The following LMNB1 variants were observed in gnomAD, a reference collection of about 807,000 sequenced individuals.
The protein encoded by LMNB1 is lamin B1.
Under a neutral mutation model 67.1 loss-of-function variants are expected in LMNB1, and 23 were observed. The observed-to-expected ratio is 0.34, with a 90% CI of 0.25 to 0.49. The LOEUF (loss-of-function observed/expected upper bound fraction) is 0.49, where lower values mean the gene tolerates loss of function less well. Ranked by LOEUF, LMNB1 falls within the 20% of genes least tolerant of loss-of-function variation. The pLI, the probability that LMNB1 is intolerant of heterozygous loss-of-function variation, is 0.99. For missense variants in LMNB1, 634 were observed against 746.5 expected (o/e 0.85, Z 1.76); for synonymous variants, 281 against 282.9 (o/e 0.99, Z 0.07).
chr5:126,778,402 G>C (rs1431785269), intron 1 of LMNB1, among the ~76,000 whole-genome samples: 17 of 152,224 alleles, frequency 1.1e-4, no homozygotes, highest in African/African-American at 4.1e-4. Flanking sequence ...CCTTCCCGCA[G>C]CATCCGCGTC....
At chr5:126,832,547 G>A in intron 9 of LMNB1, 147 bp from the exon 10 acceptor site, 1 of 513,624 alleles carries the variant, frequency 1.9e-6, no homozygotes, top group Non-Finnish European at 3.6e-6. Flanking sequence ...TGATCTGCCT[G>A]CCTTGGCCTC....
At chr5:126,815,130 G>A (rs1028801721) in intron 5 of LMNB1, 1 of 152,050 alleles carries the variant, frequency 6.6e-6, no homozygotes, top group Admixed American at 6.6e-5. Flanking sequence ...AAATAAAAAT[G>A]TTATCTTTTT....
At chr5:126,830,251 G>A (rs761757475) in intron 9 of LMNB1, among the ~76,000 whole-genome samples, 2 of 152,216 alleles carry the variant, frequency 1.3e-5, no homozygotes, top group Non-Finnish European at 2.9e-5. Flanking sequence ...CCACTGCACA[G>A]ATCAGTGCAC....
chr5:126,810,324 G>T lies in LMNB1; in HGVS notation c.787G>T (p.Glu263Ter). The change falls in exon 4 of 11, where the codon GAG (glutamate) becomes TAG (stop). Residue 263 changes from glutamate to a stop codon, truncating the protein, a stop_gained. Transcript: ENST00000261366. LOFTEE classifies it high-confidence loss of function. ...HDAQVRLYKE[E>*]LEQTYHAKLE... ...TGCCCAAGTGAGGCTGTATAAGGAG[G>T]AGCTGGAGCAGACTTACCATGCCAA... is the stretch of plus-strand genomic sequence containing the variant. 6.2e-7 allele frequency: 1 copy of T among 1,610,148 alleles called. No individual in the cohort carries two copies. The highest frequency in any genetic ancestry group is 8.5e-7 in the Non-Finnish European group (1 of 1,176,820).
At chr5:126,787,546 A>ATATATATATATTTTTTTTTT in intron 1 of LMNB1, among the ~76,000 whole-genome samples, 7 of 65,568 alleles carry the variant, frequency 1.1e-4, no homozygotes, top group African/African-American at 2.0e-4. Context: ...ATATATATAT[A>ATATATATATATTTTTTTTTT]TTTTTTTTTT....
At position 126,787,547 on chromosome 5, in the gene LMNB1, T is replaced by TATATA. The variant is rs869071732; in HGVS notation, c.359+9680_359+9681insATATA. On this transcript the variant is annotated intron_variant, in intron 1 of 10. Transcript: ENST00000261366. ...GGGTATATATATATATATATATATATTTTTTTTTTTTTTTTTTGAGATAGA... is the reference window on the plus strand; with the variant it reads ...GGGTATATATATATATATATATATATATATATTTTTTTTTTTTTTTTTGAGATAGA... 5.9e-4 allele frequency among the ~76,000 whole-genome samples: 22 copies of TATATA among 37,472 alleles called. 1 individual carries two copies. Among genetic ancestry groups the TATATA allele is most frequent in the South Asian group, 2.8e-3 (3 of 1,056 alleles). 24.6% of individuals were successfully genotyped at this position (37,472 alleles called of 152,430 possible). A position where few individuals can be genotyped will look rare whatever the true frequency, so the allele number is the denominator to read the frequency against.
intron 1 of LMNB1, among the ~76,000 whole-genome samples, chr5:126,781,685 C>T (rs1750638038): frequency 6.6e-6 from 1 of 152,164 alleles, no homozygotes; most frequent in Non-Finnish European, 1.5e-5. Flanking sequence ...ATCCACCCAC[C>T]TCGGCCTCCC....
At chr5:126,795,805 G>A (rs975241525) in intron 1 of LMNB1, among the ~76,000 whole-genome samples, 1 of 150,972 alleles carries the variant, frequency 6.6e-6, no homozygotes, top group African/African-American at 2.4e-5. Context: ...TTTTGTATTT[G>A]TTAGTTAGAC....
In LMNB1 at chr5:126,807,562, G is replaced by A. The variant is rs570042511; in HGVS notation, c.642+1866G>A. Among the ~76,000 whole-genome samples, 3 of 152,326 alleles carry A rather than the reference G, an allele frequency of 2.0e-5. No individual in the cohort carries two copies. The South Asian group carries it at 6.2e-4, about 32-fold the overall frequency. On this transcript the variant is annotated intron_variant, in intron 3 of 10. Coordinates refer to ENST00000261366, the MANE Select transcript of LMNB1 (RefSeq NM_005573.4). ...GTGTGAAAACTCTTTGGATACTGTA[G>A]CAAGTGCTGTCATATAATTGTTACT...
chr5:126,810,045 T>C, intron 3 of LMNB1, 135 bp from the exon 4 acceptor site: 2 of 678,826 alleles, frequency 2.9e-6, no homozygotes, highest in Admixed American at 2.9e-5. Context: ...AAAAAGTGTT[T>C]ATTCACATGA....
At chr5:126,787,701 C>T (rs1750846053) in intron 1 of LMNB1, among the ~76,000 whole-genome samples, 1 of 151,178 alleles carries the variant, frequency 6.6e-6, no homozygotes, top group African/African-American at 2.4e-5. Flanking sequence ...CAGCCGCCTG[C>T]CACCACACTC....
intron 5 of LMNB1, among the ~76,000 whole-genome samples, chr5:126,817,002 C>T (rs1303924458): frequency 2.0e-5 from 3 of 152,164 alleles, no homozygotes; most frequent in South Asian, 2.1e-4. Flanking sequence ...AGGACTTAAG[C>T]GCCACATTCT....
At chr5:126,830,856 A>G (rs923574137) in intron 9 of LMNB1, among the ~76,000 whole-genome samples, 6 of 152,204 alleles carry the variant, frequency 3.9e-5, no homozygotes, top group East Asian at 1.9e-4. Flanking sequence ...ATATGCTGCT[A>G]TCTCCTAGTT....
intron 9 of LMNB1, among the ~76,000 whole-genome samples, chr5:126,831,267 G>A (rs1752123441): frequency 6.6e-6 from 1 of 152,142 alleles, no homozygotes; most frequent in African/African-American, 2.4e-5. Context: ...TTAGGACAGG[G>A]TACAGAATAA....
At chr5:126,819,636 G>A (rs1252871517) in intron 6 of LMNB1, among the ~76,000 whole-genome samples, 3 of 151,920 alleles carry the variant, frequency 2.0e-5, no homozygotes, top group African/African-American at 4.8e-5. Context: ...GATTACAGGC[G>A]TGTGTCACCA....
chr5:126,834,456 G>A (rs1249763339), intron 10 of LMNB1, among the ~76,000 whole-genome samples: 1 of 152,150 alleles, frequency 6.6e-6, no homozygotes, highest in Non-Finnish European at 1.5e-5. Context: ...TTTCTTAAAG[G>A]GCCCTTTGTA....
At chr5:126,834,808 G>A (rs559108318) in intron 10 of LMNB1, among the ~76,000 whole-genome samples, 19 of 152,234 alleles carry the variant, frequency 1.2e-4, no homozygotes, top group Non-Finnish European at 2.4e-4. Flanking sequence ...CCCGGGAGGC[G>A]GAGCTTGCAG....
chr5:126,829,147 T>C (rs553061063), intron 9 of LMNB1, among the ~76,000 whole-genome samples: 17 of 152,116 alleles, frequency 1.1e-4, no homozygotes, highest in South Asian at 8.3e-4. Flanking sequence ...TTTTTTTTTT[T>C]CTTCTTGCTG....
chr5:126,787,546 A>ATATTTTTTTTTT lies in LMNB1; in HGVS notation c.359+9680_359+9681insATTTTTTTTTTT. ...GGGGTATATATATATATATATATAT[A>ATATTTTTTTTTT]TTTTTTTTTTTTTTTTTTGAGATAG... is the stretch of plus-strand genomic sequence containing the variant. On this transcript the variant is annotated intron_variant, in intron 1 of 10. Coordinates refer to ENST00000261366, the MANE Select transcript of LMNB1 (RefSeq NM_005573.4). 2.4e-3 allele frequency among the ~76,000 whole-genome samples: 159 copies of ATATTTTTTTTTT among 65,554 alleles called. 3 individuals are homozygous for ATATTTTTTTTTT. The highest frequency in any genetic ancestry group is 6.4e-3 in the African/African-American group (98 of 15,248). The allele number at this position is 65,554 out of a possible 152,430, so 43.0% of individuals were successfully genotyped here.
Sources: gnomAD v4.1 joint callset for allele counts (sites outside exome capture counted in the v4.1 genomes callset) on GRCh38, gnomAD v4.1.1 for gene constraint, MANE v1.5 for transcripts, NCBI Gene and HGNC (gene_info 2026-07-23, HGNC 2026-07-21) for gene names.